The following SCN8A variants were observed in gnomAD, a reference collection of about 807,000 sequenced individuals.
SCN8A encodes sodium voltage-gated channel alpha subunit 8, also known as sodium channel protein type 8 subunit alpha.
A neutral mutation model predicts 184.1 loss-of-function variants in SCN8A; 30 were observed. The observed-to-expected ratio is 0.16, with a 90% CI of 0.12 to 0.22. The LOEUF is 0.22. Among genes scored for constraint, SCN8A ranks in the 10% least tolerant of loss-of-function variants. The pLI, the probability that SCN8A is intolerant of heterozygous loss-of-function variation, is 1.00. For synonymous variants in SCN8A, 852 were observed against 907.0 expected (o/e 0.94, Z 1.09); for missense variants, 1,057 against 2,498.9 (o/e 0.42, Z 12.30).
At chr12:51,745,210 T>C (rs1942490579) in intron 12 of SCN8A, among the ~76,000 whole-genome samples, 2 of 152,234 alleles carry the variant, frequency 1.3e-5, no homozygotes, top group African/African-American at 4.8e-5. Context: ...CCATTTTTTA[T>C]TGGGAATTTG....
chr12:51,759,558 C>T (rs1051760465), intron 14 of SCN8A, among the ~76,000 whole-genome samples: 3 of 152,166 alleles, frequency 2.0e-5, no homozygotes, highest in Admixed American at 1.3e-4. Flanking sequence ...TATTTTTGGA[C>T]TGTAGTTGAT....
chr12:51,734,811 C>G (rs1942298608), intron 12 of SCN8A, among the ~76,000 whole-genome samples: 1 of 152,192 alleles, frequency 6.6e-6, no homozygotes, highest in South Asian at 2.1e-4. Context: ...GCAGACTATA[C>G]AAAGAAAAAC....
intron 2 of SCN8A, among the ~76,000 whole-genome samples, chr12:51,679,915 G>A (rs137976704): frequency 6.6e-6 from 1 of 151,890 alleles, no homozygotes; most frequent in Non-Finnish European, 1.5e-5. Flanking sequence ...TAGTAGAGAT[G>A]GGGTTTTACC....
chr12:51,714,029 GA>G (rs1190387521), intron 11 of SCN8A, among the ~76,000 whole-genome samples: 3 of 151,290 alleles, frequency 2.0e-5, no homozygotes, highest in Non-Finnish European at 2.9e-5. Context: ...TAATGTAATA[GA>G]AAACAGTTGA....
In SCN8A at chr12:51,721,597, A is replaced by C. The variant is rs1565899709; in HGVS notation, c.1687A>C (p.Ser563Arg). The C allele has an allele frequency of 1.2e-6, 2 of 1,613,280 alleles. No individual in the cohort carries two copies. Among genetic ancestry groups the C allele is most frequent in the East Asian group, 2.2e-5 (1 of 44,864 alleles). The change falls in exon 12 of 27, where the codon AGC becomes CGC. Residue 563 changes from serine to arginine, a missense_variant. Around this residue, in one of 19 missense-constraint regions of SCN8A, gnomAD observed 322 missense variants for 390.1 expected, o/e 0.83. Coordinates refer to ENST00000627620, the MANE Select transcript of SCN8A (RefSeq NM_001330260.2). ...CTTCCTCTCCCGCCACAACAGCAAG[A>C]GCAGCATCTTCAGTTTCAGGGGACC... The part of the protein sequence containing the change: ...SPFLSRHNSK[S>R]SIFSFRGPGR...
At position 51,735,020 on chromosome 12, in the gene SCN8A, T is replaced by C. The variant is rs138256655; in HGVS notation, c.1999-10883T>C. Reference sequence around the variant, plus strand: ...AATATCCAAAGGCAAGTTTGTAGAGTGTCTTTGTAGATGGTTTTTATTTTT... The same window carrying C: ...AATATCCAAAGGCAAGTTTGTAGAGCGTCTTTGTAGATGGTTTTTATTTTT... On this transcript the variant is annotated intron_variant, in intron 12 of 26. Transcript: ENST00000627620. Among the ~76,000 whole-genome samples, 7 of 152,342 alleles carry C rather than the reference T, an allele frequency of 4.6e-5. No individual in the cohort carries two copies. In the East Asian group the frequency reaches 1.2e-3, roughly 25 times the overall value.
chr12:51,619,752 A>G (rs1939920751), intron 1 of SCN8A, among the ~76,000 whole-genome samples: 1 of 152,222 alleles, frequency 6.6e-6, no homozygotes, highest in African/African-American at 2.4e-5. Flanking sequence ...GAATATCATA[A>G]AATGACTAAA....
chr12:51,600,543 A>C (rs1404454371), intron 1 of SCN8A, among the ~76,000 whole-genome samples: 1 of 152,176 alleles, frequency 6.6e-6, no homozygotes, highest in Non-Finnish European at 1.5e-5. Flanking sequence ...GTGTATGAAA[A>C]ATGTCAGACT....
rs1942888320 is a variant in SCN8A at position 51,769,341 on chromosome 12, G to T, written c.3372+6G>T. ...ATCCTGAAGGCAGCAAAGATGTAAGGTCCCAGCCTAGAAACAGCCTTGATC... is the reference window on the plus strand; with the variant it reads ...ATCCTGAAGGCAGCAAAGATGTAAGTTCCCAGCCTAGAAACAGCCTTGATC... On this transcript the variant is annotated splice_donor_region_variant and intron_variant, in intron 17 of 26. Coordinates refer to ENST00000627620, the MANE Select transcript of SCN8A (RefSeq NM_001330260.2). 3 of 1,568,486 alleles carry T rather than the reference G, an allele frequency of 1.9e-6. No individual in the cohort carries two copies. In the East Asian group the frequency reaches 6.8e-5, roughly 35 times the overall value.
At chr12:51,749,985 T>C (rs528973112) in intron 13 of SCN8A, among the ~76,000 whole-genome samples, 6 of 152,232 alleles carry the variant, frequency 3.9e-5, no homozygotes, top group Non-Finnish European at 7.3e-5. Flanking sequence ...AATTTTGTAA[T>C]CCTGGCAGTT....
intron 2 of SCN8A, among the ~76,000 whole-genome samples, chr12:51,672,005 G>C (rs1159215603): frequency 6.6e-6 from 1 of 152,134 alleles, no homozygotes; most frequent in East Asian, 1.9e-4. Flanking sequence ...CCTCACCCCT[G>C]TCTTTGACCC....
At chr12:51,779,949 TA>T (rs1441519951) in intron 20 of SCN8A, among the ~76,000 whole-genome samples, 1 of 152,120 alleles carries the variant, frequency 6.6e-6, no homozygotes, top group Non-Finnish European at 1.5e-5. Context: ...AGGATGTATT[TA>T]AAAGATAGAG....
chr12:51,774,042 A>G lies in SCN8A; in HGVS notation c.3646-147A>G, dbSNP rs886822381. The stretch of plus-strand genomic sequence containing the variant: ...TCAATAAACCTATTAAAACATAAAA[A>G]GCCTGTGTAGTCGGGGAGTAAAGCG... On this transcript the variant is annotated intron_variant, in intron 19 of 26. Transcript: ENST00000627620. 7.3e-6 allele frequency: 4 copies of G among 548,120 alleles called. No individual in the cohort carries two copies. In the African/African-American group the frequency reaches 7.5e-5, roughly 10 times the overall value. 34.0% of individuals were successfully genotyped at this position (548,120 alleles called of 1,614,324 possible).
chr12:51,724,593 C>T (rs776418074), intron 12 of SCN8A, among the ~76,000 whole-genome samples: 14 of 152,144 alleles, frequency 9.2e-5, no homozygotes, highest in Middle Eastern at 3.2e-3. Flanking sequence ...TTGGGCTCCA[C>T]AGTTAGATAA....
intron 1 of SCN8A, among the ~76,000 whole-genome samples, chr12:51,618,911 T>C (rs1565861569): frequency 6.6e-6 from 1 of 152,154 alleles, no homozygotes; most frequent in Non-Finnish European, 1.5e-5. Context: ...AGTAAAATGT[T>C]TTTTAAAATA....
intron 1 of SCN8A, among the ~76,000 whole-genome samples, chr12:51,654,767 C>T (rs1487193301): frequency 2.6e-5 from 4 of 152,274 alleles, no homozygotes; most frequent in Admixed American, 2.6e-4. Context: ...CTGCTTTGGC[C>T]TCCCAAAATG....
intron 4 of SCN8A, 82 bp downstream of exon 4, chr12:51,686,539 C>T: frequency 1.1e-6 from 1 of 922,658 alleles, no homozygotes; most frequent in Non-Finnish European, 1.7e-6. Flanking sequence ...GTTTACCCAT[C>T]AAGGAGAAAA....
At chr12:51,784,278 G>T (rs1171495958) in intron 21 of SCN8A, among the ~76,000 whole-genome samples, 1 of 152,224 alleles carries the variant, frequency 6.6e-6, no homozygotes, top group Non-Finnish European at 1.5e-5. Context: ...TCTGGGCTGG[G>T]CATGGTGTCT....
At position 51,702,918 on chromosome 12, in the gene SCN8A, A is replaced by C; in HGVS notation, c.1134+4A>C. ...TTGGGAAAACTTGTATCAATTGGTG[A>C]GTAATACCTCTTTTCCTTTGGCCAT... On this transcript the variant is annotated splice_donor_region_variant and intron_variant, in intron 9 of 26. Transcript: ENST00000627620. The C allele has an allele frequency of 6.3e-7, 1 of 1,592,954 alleles. No individual in the cohort carries two copies. Among genetic ancestry groups the C allele is most frequent in the Non-Finnish European group, 8.6e-7 (1 of 1,168,386 alleles).
Sources: allele counts gnomAD v4.1 joint callset (sites outside exome capture counted in the v4.1 genomes callset), GRCh38; gene constraint gnomAD v4.1.1; regional missense constraint gnomAD v4.1.1; transcripts MANE v1.5; gene names NCBI Gene and HGNC (gene_info 2026-07-23, HGNC 2026-07-21).